Variants in SGCZ observed in about 807,000 individuals in gnomAD.
SGCZ encodes the protein sarcoglycan zeta.
In SGCZ, 40 loss-of-function variants were observed where a neutral mutation model predicts 41.3. The ratio of observed to expected loss-of-function variants is 0.97; its 90% CI spans 0.75 to 1.26. The LOEUF is 1.26. Ranked by LOEUF, SGCZ falls within the 50% of genes most tolerant of loss-of-function variation. The probability of loss-of-function intolerance (pLI) is 0.00; values close to 1 mark genes in which losing one functional copy is unlikely to be tolerated. For missense variants in SGCZ, 552 were observed against 369.8 expected (o/e 1.49, Z -4.04); for synonymous variants, 206 against 137.5 (o/e 1.50, Z -3.49).
intron 5 of SGCZ, among the ~76,000 whole-genome samples, chr8:14,135,476 G>C (rs60431949): frequency 0.18 from 27,633 of 152,100 alleles, 3,356 homozygotes; most frequent in East Asian, 0.64. Flanking sequence ...CTTTCTCCCA[G>C]ATGAGTGAAT....
At chr8:14,395,877 A>C (rs1798905411) in intron 2 of SGCZ, among the ~76,000 whole-genome samples, 1 of 152,224 alleles carries the variant, frequency 6.6e-6, no homozygotes, top group Non-Finnish European at 1.5e-5. Flanking sequence ...AAGTTACTGC[A>C]AAAAGTATCT....
rs757417917 is a variant in SGCZ, at chr8:15,005,807, CTAAAA to C, written c.39+231773_39+231777del. On this transcript the variant is annotated intron_variant, in intron 1 of 7. Transcript: ENST00000382080. ...TCTTTATTATGCTGACACCAGTCTC[CTAAAA>C]TAAAATAGTTCTGACCTTATAAGGT... Among the ~76,000 whole-genome samples, 4 of 152,120 alleles carry C rather than the reference CTAAAA, an allele frequency of 2.6e-5. No individual in the cohort carries two copies. In the East Asian group the frequency reaches 7.7e-4, roughly 29 times the overall value.
At chr8:14,621,751 C>T (rs563605978) in intron 1 of SGCZ, among the ~76,000 whole-genome samples, 3 of 152,150 alleles carry the variant, frequency 2.0e-5, no homozygotes, top group East Asian at 2.0e-4. Context: ...GGGGGAAACC[C>T]ACTCCCATGA....
chr8:14,307,723 A>T (rs924382015), intron 3 of SGCZ, among the ~76,000 whole-genome samples: 2 of 152,062 alleles, frequency 1.3e-5, no homozygotes, highest in Non-Finnish European at 2.9e-5. Flanking sequence ...CAAAGTGGTG[A>T]TTTTTTTCAT....
chr8:14,376,965 G>A (rs1804154882), intron 2 of SGCZ, among the ~76,000 whole-genome samples: 1 of 152,102 alleles, frequency 6.6e-6, no homozygotes, highest in Admixed American at 6.5e-5. Flanking sequence ...GAACTTCTAA[G>A]CCCTCTGAAT....
intron 2 of SGCZ, among the ~76,000 whole-genome samples, chr8:14,439,468 C>T (rs769123543): frequency 6.6e-6 from 1 of 151,244 alleles, no homozygotes; most frequent in African/African-American, 2.4e-5. Flanking sequence ...AAAATCAGAC[C>T]AAGACAGTAC....
chr8:14,850,202 G>C (rs1353948781), intron 1 of SGCZ, among the ~76,000 whole-genome samples: 1 of 152,088 alleles, frequency 6.6e-6, no homozygotes, highest in Admixed American at 6.6e-5. Flanking sequence ...CATAATATTA[G>C]TGTAAGTTTT....
intron 1 of SGCZ, among the ~76,000 whole-genome samples, chr8:14,640,633 C>T (rs922027097): frequency 5.9e-5 from 8 of 136,354 alleles, no homozygotes; most frequent in Non-Finnish European, 1.3e-4. Flanking sequence ...CATATATGTG[C>T]AAACATATAT....
intron 1 of SGCZ, among the ~76,000 whole-genome samples, chr8:15,163,128 C>T (rs768897136): frequency 4.1e-4 from 63 of 152,304 alleles, no homozygotes; most frequent in Admixed American, 8.5e-4. Flanking sequence ...GGATTCTGTA[C>T]GTAACAGTTC....
At chr8:14,787,361 T>C (rs1454069833) in intron 1 of SGCZ, among the ~76,000 whole-genome samples, 1 of 152,086 alleles carries the variant, frequency 6.6e-6, no homozygotes, top group East Asian at 1.9e-4. Flanking sequence ...TTATTTCTTG[T>C]AGAAGGAAGA....
intron 1 of SGCZ, among the ~76,000 whole-genome samples, chr8:14,990,284 T>G (rs978840670): frequency 1.3e-5 from 2 of 152,136 alleles, no homozygotes; most frequent in Non-Finnish European, 2.9e-5. Flanking sequence ...ACCCTGCATA[T>G]ACCACATCCC....
chr8:14,372,505 A>T (rs1030769619), intron 2 of SGCZ, among the ~76,000 whole-genome samples: 1 of 152,172 alleles, frequency 6.6e-6, no homozygotes, highest in Non-Finnish European at 1.5e-5. Context: ...CAAGTAAATT[A>T]TATAGTATAT....
intron 1 of SGCZ, among the ~76,000 whole-genome samples, chr8:15,200,830 C>T (rs1005274500): frequency 3.9e-5 from 6 of 152,184 alleles, no homozygotes; most frequent in African/African-American, 1.4e-4. Flanking sequence ...TAACCTGTCA[C>T]ACTCTGCCTG....
intron 2 of SGCZ, among the ~76,000 whole-genome samples, chr8:14,404,061 G>T (rs1238270954): frequency 6.6e-6 from 1 of 152,118 alleles, no homozygotes; most frequent in African/African-American, 2.4e-5. Context: ...TCTTACCTGA[G>T]TATCACGAAA....
intron 3 of SGCZ, among the ~76,000 whole-genome samples, chr8:14,279,452 A>AT (rs371297019): frequency 8.6e-5 from 13 of 151,734 alleles, no homozygotes; most frequent in East Asian, 1.9e-4. Flanking sequence ...TAGATTACAC[A>AT]TTTTTTTTCA....
intron 1 of SGCZ, among the ~76,000 whole-genome samples, chr8:14,977,601 AT>A (rs1158675972): frequency 6.6e-6 from 1 of 152,130 alleles, no homozygotes; most frequent in Non-Finnish European, 1.5e-5. Context: ...CATCATTTAC[AT>A]TTAGAATACA....
chr8:14,290,685 C>G (rs1800810166), intron 3 of SGCZ, among the ~76,000 whole-genome samples: 1 of 151,818 alleles, frequency 6.6e-6, no homozygotes, highest in Non-Finnish European at 1.5e-5. Flanking sequence ...TTAAAAGACA[C>G]CCAGTGTCAA....
chr8:14,102,348 G>C, intron 7 of SGCZ, 28 bp downstream of exon 7: 1 of 1,440,358 alleles, frequency 6.9e-7, no homozygotes, highest in Non-Finnish European at 9.3e-7. Flanking sequence ...GGCAGTATAG[G>C]GCGAGGGTCC....
At position 14,727,083 on chromosome 8, in the gene SGCZ, G is replaced by T. The variant is rs1039158562; in HGVS notation, c.40-172157C>A. On this transcript the variant is annotated intron_variant, in intron 1 of 7. Coordinates refer to ENST00000382080, the MANE Select transcript of SGCZ (RefSeq NM_139167.4). ...TTATCCGGCAAAAGACATTTAAAAAGAACGTATAAAGAGCACATACAAGTA... is the reference window on the plus strand; with the variant it reads ...TTATCCGGCAAAAGACATTTAAAAATAACGTATAAAGAGCACATACAAGTA... Among the ~76,000 whole-genome samples the T allele has an allele frequency of 1.0e-3, 156 of 151,974 alleles. 2 individuals are homozygous for T. Among genetic ancestry groups the T allele is most frequent in the African/African-American group, 3.6e-3 (150 of 41,486 alleles).
Sources: allele counts gnomAD v4.1 joint callset (sites outside exome capture counted in the v4.1 genomes callset), GRCh38; gene constraint gnomAD v4.1.1; transcripts MANE v1.5; gene names NCBI Gene and HGNC (gene_info 2026-07-23, HGNC 2026-07-21).